The following FAT1 variants were observed in gnomAD, a reference collection of about 807,000 sequenced individuals.
FAT1 encodes the protein protocadherin Fat 1.
In FAT1, 171 loss-of-function variants were observed where a neutral mutation model predicts 329.8. The ratio of observed to expected loss-of-function variants is 0.52; its 90% CI spans 0.46 to 0.59. The LOEUF is 0.59. Among genes scored for constraint, FAT1 ranks in the 20% least tolerant of loss-of-function variants. The pLI is 0.00. For missense variants in FAT1, 5,672 were observed against 5,774.4 expected (o/e 0.98, Z 0.57); for synonymous variants, 2,233 against 2,228.6 (o/e 1.00, Z -0.06).
intron 3 of FAT1, among the ~76,000 whole-genome samples, chr4:186,651,984 G>A (rs1214920713): frequency 3.9e-5 from 6 of 152,230 alleles, no homozygotes; most frequent in Non-Finnish European, 7.3e-5. Context: ...GACTGGCGAG[G>A]CTGGAAAGCA....
At position 186,597,340 on chromosome 4, in the gene FAT1, C is replaced by G. The variant is rs796308321; in HGVS notation, c.12369-169G>C. ...AACGTCGACAACCACGAGAAAAGAC[C>G]TTCTGTGGAGAAACCAATCATGTGA... On this transcript the variant is annotated intron_variant, in intron 24 of 26. Transcript: ENST00000441802. 11 of 693,636 alleles carry G rather than the reference C, an allele frequency of 1.6e-5. 1 individual carries two copies. The African/African-American group carries it at 2.0e-4, about 12-fold the overall frequency. The allele number at this position is 693,636 out of a possible 1,614,324, so 43.0% of individuals were successfully genotyped here.
chr4:186,720,335 A>C (rs188938214), intron 1 of FAT1, among the ~76,000 whole-genome samples: 1 of 151,968 alleles, frequency 6.6e-6, no homozygotes, highest in African/African-American at 2.4e-5. Flanking sequence ...CCCTTTTTTA[A>C]TAAGATTATT....
rs1034254014 is a variant in FAT1, at chr4:186,606,060, C to T, written c.10350+10G>A. On this transcript the variant is annotated intron_variant, in intron 17 of 26. Transcript: ENST00000441802. ...AGAACCCCAGGACCACCTTGGCACT[C>T]GAAGCCCACCTGGATAATGACACTG... 72 of 1,611,766 alleles carry T rather than the reference C, an allele frequency of 4.5e-5. No individual in the cohort carries two copies. Among genetic ancestry groups the T allele is most frequent in the Non-Finnish European group, 5.9e-5 (69 of 1,179,288 alleles).
chr4:186,594,142 T>G (rs1738378704), intron 26 of FAT1, among the ~76,000 whole-genome samples: 2 of 152,010 alleles, frequency 1.3e-5, no homozygotes, highest in African/African-American at 4.8e-5. Context: ...CTCAGCTCAC[T>G]GCAAGCTACA....
rs1340077764 is a variant in FAT1, at chr4:186,619,354, C to T, written c.7232G>A (p.Cys2411Tyr). ...EHAPHGHFVTCVKAYDADSSD... is the reference protein window; with the variant it reads ...EHAPHGHFVTYVKAYDADSSD... ...ACTGTCTGCATCATAGGCTTTTACA[C>T]AGGTCACGAAATGCCCATGAGGGGC... is the stretch of plus-strand genomic sequence containing the variant. Residue 2411 changes from cysteine to tyrosine, a missense_variant, in exon 10 of 27, where the codon TGT becomes TAT. Coordinates refer to ENST00000441802, the MANE Select transcript of FAT1 (RefSeq NM_005245.4). 3 of 1,613,896 alleles carry T rather than the reference C, an allele frequency of 1.9e-6. No homozygotes were observed. The highest frequency in any genetic ancestry group is 2.2e-5 in the East Asian group (1 of 44,888).
At chr4:186,651,066 T>TAAATAATTTATTTATG (rs2126594514) in intron 3 of FAT1, among the ~76,000 whole-genome samples, 1 of 149,252 alleles carries the variant, frequency 6.7e-6, no homozygotes, top group African/African-American at 2.4e-5. Context: ...ATTTATTTAT[T>TAAATAATTTATTTATG]ATTAATAATT....
chr4:186,687,060 C>T (rs1430239490), intron 2 of FAT1, among the ~76,000 whole-genome samples: 4 of 152,132 alleles, frequency 2.6e-5, no homozygotes, highest in African/African-American at 9.7e-5. Context: ...ACAAGAGACG[C>T]TTTTTAAACA....
At chr4:186,606,301 G>T in intron 16 of FAT1, 88 bp from the exon 17 acceptor site, 1 of 1,428,240 alleles carries the variant, frequency 7.0e-7, no homozygotes, top group Non-Finnish European at 9.5e-7. Flanking sequence ...GTCCTGACGG[G>T]CAGGTCCCAG....
At chr4:186,711,620 A>T (rs147627230) in intron 1 of FAT1, among the ~76,000 whole-genome samples, 670 of 152,284 alleles carry the variant, frequency 4.4e-3, no homozygotes, top group Non-Finnish European at 7.8e-3. Context: ...ACTAGAAATA[A>T]AAATACATAT....
intron 22 of FAT1, 28 bp from the exon 23 acceptor site, chr4:186,598,153 T>C: frequency 6.3e-7 from 1 of 1,579,410 alleles, no homozygotes; most frequent in Non-Finnish European, 8.6e-7. Context: ...AACAAAAAAG[T>C]CCTATCACTC....
chr4:186,613,013 A>C, intron 13 of FAT1, 96 bp downstream of exon 13: 2 of 717,514 alleles, frequency 2.8e-6, no homozygotes, highest in Admixed American at 2.1e-5. Flanking sequence ...CATGAGGTGG[A>C]GTGAGTGGCA....
rs754157550 is a variant in FAT1, at chr4:186,708,657, C to G, written c.1171G>C (p.Ala391Pro). 1.2e-6 allele frequency: 2 copies of G among 1,613,752 alleles called. No individual in the cohort carries two copies. The highest frequency in any genetic ancestry group is 2.7e-5 in the African/African-American group (2 of 74,910). The change falls in exon 2 of 27, where the codon GCC becomes CCC. Residue 391 changes from alanine (A) to proline (P), a missense_variant. Transcript: ENST00000441802. ...PPNTPVVMVK[A>P]IPAYSHLRYV... Reference sequence around the variant, plus strand: ...CTCAAATGGGAATAAGCAGGAATGGCCTTTACCATGACCACAGGTGTGTTG... The same window carrying G: ...CTCAAATGGGAATAAGCAGGAATGGGCTTTACCATGACCACAGGTGTGTTG...
rs1441118932 is a variant in FAT1 at position 186,707,673 on chromosome 4, T to G, written c.2155A>C (p.Thr719Pro). Residue 719 changes from threonine to proline, a missense_variant, in exon 2 of 27, where the codon ACT becomes CCT. Physicochemically the swap from Thr to Pro is conservative, Grantham distance 38. Coordinates refer to ENST00000441802, the MANE Select transcript of FAT1 (RefSeq NM_005245.4). ...VNAHIPQFRS[T>P]LPTGIQVKEN... ...TTTACCTGAATACCAGTCGGAAGAGTGCTTCTAAACTGCGGTATGTGAGCA... is the reference window on the plus strand; with the variant it reads ...TTTACCTGAATACCAGTCGGAAGAGGGCTTCTAAACTGCGGTATGTGAGCA... 6.2e-7 allele frequency: 1 copy of G among 1,613,796 alleles called. No homozygotes were observed. The highest frequency in any genetic ancestry group is 8.5e-7 in the Non-Finnish European group (1 of 1,179,848).
At position 186,636,225 on chromosome 4, in the gene FAT1, A is replaced by G. The variant is rs971353902; in HGVS notation, c.3983T>C (p.Val1328Ala). ...TGACTTTTGAGGGCGACCATTGTCA[A>G]CTGCCTTAATCTACAACATTTGGGC... is the stretch of plus-strand genomic sequence containing the variant. ...GEYDILSIKA[V>A]DNGRPQKSST... The change falls in exon 6 of 27, where the codon GTT becomes GCT. Residue 1328 changes from valine to alanine, a missense_variant. By Grantham distance (64) the Val-to-Ala change is moderately conservative (BLOSUM62 0). Coordinates refer to ENST00000441802, the MANE Select transcript of FAT1 (RefSeq NM_005245.4). The G allele has an allele frequency of 1.9e-6, 3 of 1,613,888 alleles. No individual in the cohort carries two copies. The highest frequency in any genetic ancestry group is 3.3e-5 in the Admixed American group (2 of 60,010).
intron 3 of FAT1, among the ~76,000 whole-genome samples, chr4:186,655,210 C>T (rs1741847506): frequency 6.6e-6 from 1 of 152,146 alleles, no homozygotes; most frequent in Non-Finnish European, 1.5e-5. Context: ...AAAGAGGATG[C>T]CCTGTACCAT....
chr4:186,668,861 T>C (rs183644077), intron 2 of FAT1, among the ~76,000 whole-genome samples: 46 of 152,310 alleles, frequency 3.0e-4, no homozygotes, highest in African/African-American at 8.4e-4. Context: ...CATCCAGTCA[T>C]CACTGGATGT....
chr4:186,617,419 T>C (rs1346891600), intron 10 of FAT1, among the ~76,000 whole-genome samples: 1 of 152,230 alleles, frequency 6.6e-6, no homozygotes, highest in Non-Finnish European at 1.5e-5. Context: ...TCATTTAGCC[T>C]GCATTAAAAC....
chr4:186,596,670 C>T lies in FAT1; in HGVS notation c.12870G>A (p.Glu4290=), dbSNP rs1464855429. 1.2e-6 allele frequency: 2 copies of T among 1,612,212 alleles called. No homozygotes were observed. The highest frequency in any genetic ancestry group is 2.7e-5 in the African/African-American group (2 of 74,874). ...CTGCTTTTCGGTGCCCGTGCACAGA[C>T]TCGGGGTTAAAAGTGCTGAATTCGG... ...EHPEFSTFNP[E]SVHGHRKAVA... is the part of the protein sequence containing the mutation. Residue 4290 remains glutamate (E), a synonymous_variant, in exon 25 of 27, where the codon GAG becomes GAA. Coordinates refer to ENST00000441802, the MANE Select transcript of FAT1 (RefSeq NM_005245.4). The surrounding 1 kb of genome is among the most constrained non-coding windows in gnomAD (Gnocchi z 4.7).
At chr4:186,681,812 T>C (rs1177340058) in intron 2 of FAT1, among the ~76,000 whole-genome samples, 3 of 152,208 alleles carry the variant, frequency 2.0e-5, no homozygotes, top group African/African-American at 4.8e-5. Context: ...ATTTCAAACA[T>C]GAAAGGACAA....
Sources: gnomAD v4.1 joint callset for allele counts (sites outside exome capture counted in the v4.1 genomes callset) on GRCh38, gnomAD v4.1.1 for gene constraint, Gnocchi (gnomAD v3.1) non-coding constraint, MANE v1.5 for transcripts, NCBI Gene and HGNC (gene_info 2026-07-23, HGNC 2026-07-21) for gene names.